ALMS1: variants seen among roughly 807,000 people sequenced by gnomAD.
ALMS1 encodes the protein centrosome-associated protein ALMS1.
ALMS1 carries 271 observed loss-of-function variants against 352.2 expected under a neutral mutation model. The observed-to-expected ratio is 0.77, with a 90% CI of 0.70 to 0.85. The LOEUF (loss-of-function observed/expected upper bound fraction) is 0.85. ALMS1 is among the 40% of genes least tolerant of loss of function. The pLI, the probability that ALMS1 is intolerant of heterozygous loss-of-function variation, is 0.00. For synonymous variants in ALMS1, 1,865 were observed against 1,761.2 expected, an observed-to-expected ratio of 1.06 and a Z score of -1.48; for missense variants, 5,445 against 4,870.7, an observed-to-expected ratio of 1.12 and a Z score of -3.51.
intron 2 of ALMS1, among the ~76,000 whole-genome samples, chr2:73,415,730 C>T (rs1235035805): frequency 6.6e-6 from 1 of 152,152 alleles, no homozygotes; most frequent in Non-Finnish European, 1.5e-5. Context: ...AGTGTGATTT[C>T]TCCAGCAACG....
intron 9 of ALMS1, among the ~76,000 whole-genome samples, chr2:73,456,385 C>T (rs942464190): frequency 6.6e-6 from 1 of 152,084 alleles, no homozygotes; most frequent in Non-Finnish European, 1.5e-5. Context: ...TTTATTCTTT[C>T]TCCTGTGGAT....
chr2:73,431,832 A>T (rs923571586), intron 6 of ALMS1, among the ~76,000 whole-genome samples: 1 of 152,336 alleles, frequency 6.6e-6, no homozygotes, highest in East Asian at 1.9e-4. Flanking sequence ...CTTGTCCAGA[A>T]TAATCCCATG....
intron 11 of ALMS1, among the ~76,000 whole-genome samples, chr2:73,529,861 G>T (rs771901920): frequency 6.6e-6 from 1 of 152,090 alleles, no homozygotes; most frequent in Admixed American, 6.5e-5. Flanking sequence ...CTTACATGGG[G>T]GCAGGAGAGA....
intron 12 of ALMS1, among the ~76,000 whole-genome samples, chr2:73,549,618 A>G (rs1056476383): frequency 6.6e-6 from 1 of 152,138 alleles, no homozygotes; most frequent in Admixed American, 6.5e-5. Context: ...TCCTCTCTAT[A>G]TCAAAAAACT....
At chr2:73,389,270 C>T (rs965834910) in intron 1 of ALMS1, among the ~76,000 whole-genome samples, 1 of 152,058 alleles carries the variant, frequency 6.6e-6, no homozygotes, top group African/African-American at 2.4e-5. Flanking sequence ...CTTTTGCCCG[C>T]TTTTTAGTGG....
intron 1 of ALMS1, among the ~76,000 whole-genome samples, chr2:73,396,926 G>A (rs1395397773): frequency 6.6e-6 from 1 of 152,130 alleles, no homozygotes; most frequent in Non-Finnish European, 1.5e-5. Context: ...TTACAGGCTT[G>A]AGCTACCGCG....
At chr2:73,566,653 C>T (rs1674806974) in intron 15 of ALMS1, among the ~76,000 whole-genome samples, 1 of 152,176 alleles carries the variant, frequency 6.6e-6, no homozygotes, top group African/African-American at 2.4e-5. Flanking sequence ...GGGGTTTCCC[C>T]TCACGTTAAG....
rs533305248 is a variant in ALMS1, at chr2:73,397,508, C to T, written c.325-11114C>T. ...TTGAGATGGTGTTTCGCTCTTGTTG[C>T]CTAGGCTGGAATGCAATGGCATTAT... On this transcript the variant is annotated intron_variant, in intron 1 of 22. Coordinates refer to ENST00000613296, the MANE Select transcript of ALMS1 (RefSeq NM_001378454.1). Among the ~76,000 whole-genome samples the T allele has an allele frequency of 9.2e-5, 14 of 152,020 alleles. No homozygotes were observed. In the South Asian group the frequency reaches 2.7e-3, roughly 29 times the overall value.
intron 10 of ALMS1, among the ~76,000 whole-genome samples, chr2:73,498,823 C>T (rs556962268): frequency 6.6e-6 from 1 of 152,306 alleles, no homozygotes; most frequent in East Asian, 1.9e-4. Flanking sequence ...TTGATGGACA[C>T]ATAGGCTGCT....
intron 1 of ALMS1, among the ~76,000 whole-genome samples, chr2:73,394,278 C>T (rs930335387): frequency 6.6e-6 from 1 of 152,102 alleles, no homozygotes; most frequent in Non-Finnish European, 1.5e-5. Context: ...GCAAAGAAGC[C>T]AGCTAGTATT....
intron 11 of ALMS1, among the ~76,000 whole-genome samples, chr2:73,520,869 T>G (rs540826671): frequency 6.6e-6 from 1 of 152,288 alleles, no homozygotes; most frequent in Middle Eastern, 3.4e-3. Flanking sequence ...GCAGGAAAAT[T>G]AACAATTAAG....
intron 11 of ALMS1, among the ~76,000 whole-genome samples, chr2:73,532,145 C>A (rs1311987255): frequency 1.3e-5 from 2 of 152,256 alleles, no homozygotes; most frequent in Non-Finnish European, 2.9e-5. Context: ...TGCTGTGACA[C>A]AAGCACCCCT....
chr2:73,534,416 TA>T (rs1673984102), intron 11 of ALMS1, among the ~76,000 whole-genome samples: 1 of 152,162 alleles, frequency 6.6e-6, no homozygotes, highest in Admixed American at 6.5e-5. Context: ...GGGTTCGATG[TA>T]AGATAACATG....
Position 73,448,564 on chromosome 2 carries a change from TCG to T in ALMS1, c.2038_2039del (p.Arg680ThrfsTer10), listed in dbSNP as rs757097840. On this transcript the variant is annotated frameshift_variant, in exon 8 of 23. Coordinates refer to ENST00000613296, the MANE Select transcript of ALMS1 (RefSeq NM_001378454.1). LOFTEE classifies it high-confidence loss of function. ...ATGTAGAGGACCTCCTCTTTTTCTA[TCG>T]ACAGACCTTGCCAGATGGTCATCTA... ...SHVEDLLFFY[R>X]QTLPDGHLTD... 1 of 1,613,518 alleles carries T rather than the reference TCG, an allele frequency of 6.2e-7. No homozygotes were observed. The highest frequency in any genetic ancestry group is 8.5e-7 in the Non-Finnish European group (1 of 1,179,810).
chr2:73,501,654 A>T (rs1028843862), intron 10 of ALMS1, among the ~76,000 whole-genome samples: 4 of 151,910 alleles, frequency 2.6e-5, no homozygotes, highest in Non-Finnish European at 5.9e-5. Context: ...TGTTCTTTTT[A>T]TTTATCTTTA....
At chr2:73,395,044 G>A (rs886411827) in intron 1 of ALMS1, among the ~76,000 whole-genome samples, 10 of 95,226 alleles carry the variant, frequency 1.1e-4, no homozygotes, top group Middle Eastern at 5.3e-3. Flanking sequence ...ATATGTGTGT[G>A]TATATATATA....
chr2:73,453,339 A>G lies in ALMS1; in HGVS notation c.6812A>G (p.Asn2271Ser), dbSNP rs111659663. 3.5e-5 allele frequency: 57 copies of G among 1,613,980 alleles called. No homozygotes were observed. The African/African-American group carries it at 6.9e-4, about 20-fold the overall frequency. ...EIRTLLMEAE[N>S]MALKRCNFPA... ...CGGACACTTTTGATGGAGGCAGAAAATATGGCACTGAAACGATGCAATTTT... is the reference window on the plus strand; with the variant it reads ...CGGACACTTTTGATGGAGGCAGAAAGTATGGCACTGAAACGATGCAATTTT... The change falls in exon 8 of 23, where the codon AAT (asparagine) becomes AGT (serine). Residue 2271 changes from asparagine (N) to serine (S), a missense_variant. By Grantham distance (46) the Asn-to-Ser change is conservative. Transcript: ENST00000613296.
chr2:73,454,014 C>T lies in ALMS1; in HGVS notation c.7487C>T (p.Ala2496Val), dbSNP rs758741107. The T allele has an allele frequency of 6.2e-7, 1 of 1,613,484 alleles. No individual in the cohort carries two copies. The highest frequency in any genetic ancestry group is 1.1e-5 in the South Asian group (1 of 90,994). Residue 2496 changes from alanine to valine, a missense_variant, in exon 8 of 23, where the codon GCT becomes GTT. Ala to Val is a moderately conservative substitution (Grantham distance 64). Transcript: ENST00000613296. ...CAATGTGAATCCTCACTGAATCATG[C>T]TAAAGAAATACTCAGAAATGCAGAG... is the stretch of plus-strand genomic sequence containing the variant. The part of the protein sequence containing the change: ...LLQCESSLNH[A>V]KEILRNAEEE...
intron 2 of ALMS1, among the ~76,000 whole-genome samples, chr2:73,409,446 A>G (rs1671034770): frequency 6.6e-6 from 1 of 152,250 alleles, no homozygotes; most frequent in African/African-American, 2.4e-5. Context: ...AAGTATTCTT[A>G]AGAGCTTTTG....
Sources: gnomAD v4.1 joint callset for allele counts (sites outside exome capture counted in the v4.1 genomes callset) on GRCh38, gnomAD v4.1.1 for gene constraint, MANE v1.5 for transcripts, NCBI Gene and HGNC (gene_info 2026-07-23, HGNC 2026-07-21) for gene names.